Variants in SAGE1 observed in about 807,000 individuals in gnomAD.
SAGE1 encodes the protein cancer/testis antigen 14.
Under a neutral mutation model 55.4 loss-of-function variants are expected in SAGE1, and 55 were observed. The observed-to-expected ratio is 0.99, with a 90% CI of 0.80 to 1.24. The LOEUF is 1.24. Ranked by LOEUF, SAGE1 falls within the 50% of genes most tolerant of loss-of-function variation. The pLI, the probability that SAGE1 is intolerant of heterozygous loss-of-function variation, is 0.00. For synonymous variants in SAGE1, 240 were observed against 244.3 expected (o/e 0.98, Z 0.17); for missense variants, 710 against 704.4 (o/e 1.01, Z -0.09).
chrX:135,902,360 C>T (rs1273470679), intron 3 of SAGE1, among the ~76,000 whole-genome samples: 1 of 112,128 alleles, frequency 8.9e-6, no homozygotes, highest in Admixed American at 9.4e-5. Flanking sequence ...TACTGGGTGT[C>T]TAATAGGCAT....
At position 135,908,113 on chromosome X, in the gene SAGE1, G is replaced by T; in HGVS notation, c.1184G>T (p.Arg395Leu). Residue 395 changes from arginine (R) to leucine (L), a missense_variant, in exon 11 of 20, where the codon CGT (arginine) becomes CTT (leucine). Physicochemically the swap from Arg to Leu is moderately radical, Grantham distance 102. Transcript: ENST00000370709. ...DQHATIIHNLREEKKDNSQPT... is the reference protein window; with the variant it reads ...DQHATIIHNLLEEKKDNSQPT... ...GATGCTACCATCATTCACAATCTGC[G>T]TGAAGAGAAGAAAGATAACAGCCAA... 4 of 1,210,005 alleles carry T rather than the reference G, an allele frequency of 3.3e-6. No homozygotes were observed. The highest frequency in any genetic ancestry group is 4.5e-6 in the Non-Finnish European group (4 of 894,572).
At position 135,908,870 on chromosome X, in the gene SAGE1, CCATTACTCA is replaced by C. The variant is rs1238994181; in HGVS notation, c.1451_1459del (p.Ile484_His486del). The C allele has an allele frequency of 8.3e-7, 1 of 1,207,774 alleles. No homozygotes were observed. Among genetic ancestry groups the C allele is most frequent in the Non-Finnish European group, 1.1e-6 (1 of 894,069 alleles). On this transcript the variant is annotated inframe_deletion, in exon 13 of 20. Transcript: ENST00000370709. ...CTCTCCCTTTGGTTTCCAGATGCTA[CCATTACTCA>C]CAGTGTTCGTGAAGAGAAGATGGAA... is the stretch of plus-strand genomic sequence containing the variant.
chrX:135,896,560 C>CTT (rs35997575), intron 2 of SAGE1, among the ~76,000 whole-genome samples: 3 of 95,093 alleles, frequency 3.2e-5, no homozygotes, highest in African/African-American at 7.8e-5. Context: ...TTATTTATAT[C>CTT]TTTTTTTTTT....
chrX:135,909,111 T>C, intron 13 of SAGE1, 107 bp downstream of exon 13: 2 of 740,390 alleles, frequency 2.7e-6, no homozygotes, highest in Non-Finnish European at 4.0e-6. Context: ...AACCTCAATT[T>C]GAGGGATCTC....
At chrX:135,912,298 A>G (rs2088912258) in intron 18 of SAGE1, 23 bp from the exon 19 acceptor site, 3 of 1,181,679 alleles carry the variant, frequency 2.5e-6, no homozygotes, top group Admixed American at 5.1e-5. Flanking sequence ...TTGTAGAAAT[A>G]CTAATTTTTA....
chrX:135,905,664 C>T (rs2088773155), intron 5 of SAGE1, among the ~76,000 whole-genome samples: 1 of 111,441 alleles, frequency 9.0e-6, no homozygotes, highest in Admixed American at 9.6e-5. Context: ...CTCACATTAT[C>T]TGTGAAGAGA....
chrX:135,905,519 A>T, intron 5 of SAGE1, 127 bp downstream of exon 5: 1 of 606,104 alleles, frequency 1.6e-6, no homozygotes. Flanking sequence ...TCAGATGGCC[A>T]CCTGGCAAAT....
Position 135,909,500 on chromosome X carries a change from G to A in SAGE1, c.1583-139G>A, listed in dbSNP as rs782495589. The A allele has an allele frequency of 8.4e-4, 505 of 601,747 alleles. 1 individual carries two copies. The highest frequency in any genetic ancestry group is 1.2e-3 in the Non-Finnish European group (462 of 393,967). 49.6% of individuals were successfully genotyped at this position (601,747 alleles called of 1,213,427 possible). ...GCATTATCGTTTCTGGACTAAATTTGAGGGGTCTCAGATCACCACCTGTTA... is the reference window on the plus strand; with the variant it reads ...GCATTATCGTTTCTGGACTAAATTTAAGGGGTCTCAGATCACCACCTGTTA... On this transcript the variant is annotated intron_variant, in intron 13 of 19. Coordinates refer to ENST00000370709, the MANE Select transcript of SAGE1 (RefSeq NM_001381902.1).
chrX:135,905,719 A>G (rs1231440166), intron 5 of SAGE1, among the ~76,000 whole-genome samples: 1 of 111,832 alleles, frequency 8.9e-6, no homozygotes, highest in Non-Finnish European at 1.9e-5. Context: ...CTTGTCTACT[A>G]TTACAGCGGG....
chrX:135,907,423 G>T lies in SAGE1; in HGVS notation c.988G>T (p.Gly330Cys). Residue 330 changes from glycine (G) to cysteine (C), a missense_variant, in exon 9 of 20, where the codon GGT becomes TGT. Transcript: ENST00000370709. ...QPVIIYLTAT[G>C]IPGMNTRDQY... is the part of the protein sequence containing the mutation. ...AGTGATTATTTATTTGACAGCAACT[G>T]GTATTCCGGGCATGAATACCAGGGA... is the stretch of plus-strand genomic sequence containing the variant. 1.7e-6 allele frequency: 2 copies of T among 1,207,437 alleles called. No individual in the cohort carries two copies. The highest frequency in any genetic ancestry group is 5.9e-5 in the East Asian group (2 of 33,814).
At chrX:135,906,792 G>T in intron 7 of SAGE1, 134 bp from the exon 8 acceptor site, 1 of 925,178 alleles carries the variant, frequency 1.1e-6, no homozygotes, top group Non-Finnish European at 1.5e-6. Context: ...CAATTTCAGG[G>T]GTCTCGTATG....
In SAGE1 at chrX:135,911,319, T is replaced by A. The variant is rs782383109; in HGVS notation, c.2133T>A (p.Ser711Arg). 11 of 1,209,756 alleles carry A rather than the reference T, an allele frequency of 9.1e-6. No individual in the cohort carries two copies. Among genetic ancestry groups the A allele is most frequent in the Non-Finnish European group, 1.2e-5 (11 of 894,046 alleles). The stretch of plus-strand genomic sequence containing the variant: ...CAGGAGCTGGTATTTCATGCAGAAG[T>A]ACCAGGGATCTGTGTATGTTTGTGT... ...NLSGAGISCRSTRDLYATVIH... is the reference protein window; with the variant it reads ...NLSGAGISCRRTRDLYATVIH... The change falls in exon 17 of 20, where the codon AGT (serine) becomes AGA (arginine). Residue 711 changes from serine (S) to arginine (R), a missense_variant. Ser to Arg is a moderately radical substitution (Grantham distance 110). Transcript: ENST00000370709.
At chrX:135,912,761 G>A (rs2148100676) in intron 19 of SAGE1, 37 bp from the exon 20 acceptor site, 1 of 1,195,733 alleles carries the variant, frequency 8.4e-7, no homozygotes, top group East Asian at 3.0e-5. Context: ...GATCCTGTAG[G>A]TATCCTCTGG....
chrX:135,904,785 A>T lies in SAGE1; in HGVS notation c.313+216A>T, dbSNP rs187483657. ...TGCTTTTTTAGATAATTTCCTAGAA[A>T]TTGAACACAGAGGAATATACCTGTG... On this transcript the variant is annotated intron_variant, in intron 4 of 19. Coordinates refer to ENST00000370709, the MANE Select transcript of SAGE1 (RefSeq NM_001381902.1). 3.2e-4 allele frequency among the ~76,000 whole-genome samples: 35 copies of T among 110,705 alleles called. No homozygotes were observed. In the East Asian group the frequency reaches 7.5e-3, roughly 24 times the overall value.
At chrX:135,896,196 A>G (rs372543220) in intron 1 of SAGE1, 47 bp from the exon 2 acceptor site, 1 of 933,297 alleles carries the variant, frequency 1.1e-6, no homozygotes, top group Non-Finnish European at 1.6e-6. Flanking sequence ...GTTATAAATC[A>G]AAGTGTTCTA....
At position 135,911,770 on chromosome X, in the gene SAGE1, G is replaced by C; in HGVS notation, c.2338G>C (p.Asp780His). The change falls in exon 18 of 20, where the codon GAT becomes CAT. Residue 780 changes from aspartate to histidine, a missense_variant. Transcript: ENST00000370709. ...LSKDELLYKP[D>H]SNEFAVGTKN... ...CAAAGATGAGCTGCTTTACAAACCTGATAGTAATGAATTTGCGGTAGGCAC... is the reference window on the plus strand; with the variant it reads ...CAAAGATGAGCTGCTTTACAAACCTCATAGTAATGAATTTGCGGTAGGCAC... The C allele has an allele frequency of 8.3e-7, 1 of 1,211,344 alleles. No individual in the cohort carries two copies. The highest frequency in any genetic ancestry group is 1.7e-5 in the African/African-American group (1 of 57,806).
chrX:135,905,910 A>C lies in SAGE1; in HGVS notation c.455-114A>C, dbSNP rs139339360. 362 of 669,371 alleles carry C rather than the reference A, an allele frequency of 5.4e-4. 2 individuals are homozygous for C. The African/African-American group carries it at 7.0e-3, about 13-fold the overall frequency. 55.2% of individuals were successfully genotyped at this position (669,371 alleles called of 1,213,427 possible). A position where few individuals can be genotyped will look rare whatever the true frequency, so the allele number is the denominator to read the frequency against. ...CAGGGGTCTCAAATCACCACCTGAT[A>C]TGTCCTCCTGGTTTATGGGATAATT... On this transcript the variant is annotated intron_variant, in intron 5 of 19. Coordinates refer to ENST00000370709, the MANE Select transcript of SAGE1 (RefSeq NM_001381902.1).
chrX:135,911,558 A>G, intron 17 of SAGE1, 21 bp from the exon 18 acceptor site: 2 of 1,142,673 alleles, frequency 1.8e-6, no homozygotes, highest in Admixed American at 2.2e-5. Flanking sequence ...TCACAGCTCA[A>G]TTTTTTCATT....
intron 18 of SAGE1, 109 bp from the exon 19 acceptor site, chrX:135,912,212 G>A: frequency 2.7e-6 from 3 of 1,110,355 alleles, no homozygotes; most frequent in Non-Finnish European, 3.5e-6. Flanking sequence ...CAAGCACTAT[G>A]TAACATTGTA....
Sources: allele counts gnomAD v4.1 joint callset (sites outside exome capture counted in the v4.1 genomes callset), GRCh38; gene constraint gnomAD v4.1.1; transcripts MANE v1.5; gene names NCBI Gene and HGNC (gene_info 2026-07-23, HGNC 2026-07-21).